The following MGST1 variants were observed in gnomAD, a reference collection of about 807,000 sequenced individuals.
MGST1 encodes microsomal glutathione S-transferase 1.
A neutral mutation model predicts 8.9 loss-of-function variants in MGST1; 5 were observed. The observed-to-expected ratio is 0.56, with a 90% CI of 0.29 to 1.19. MGST1 has a LOEUF of 1.19. MGST1 is among the 50% of genes most tolerant of loss of function. MGST1 has a pLI of 0.08. For missense variants in MGST1, 182 were observed against 187.4 expected, an observed-to-expected ratio of 0.97 and a Z score of 0.17; for synonymous variants, 54 against 67.8, an observed-to-expected ratio of 0.80 and a Z score of 1.00.
chr12:16,544,993 A>G lies in MGST1; in HGVS notation n.483-44535A>G, dbSNP rs148504495. Reference sequence around the variant, plus strand: ...TATTTTCTAAATTTTTAAAGGAATTACTAATCTTAGAAAGATATAAAACAA... The same window carrying G: ...TATTTTCTAAATTTTTAAAGGAATTGCTAATCTTAGAAAGATATAAAACAA... On this transcript the variant is annotated intron_variant and non_coding_transcript_variant, in intron 4 of 4. Coordinates refer to the MGST1 transcript ENST00000538857. This position sits in a 1 kb window ranked among gnomAD's most constrained non-coding sequence, Gnocchi z 4.8. Among the ~76,000 whole-genome samples the G allele has an allele frequency of 1.0e-3, 154 of 152,214 alleles. No individual in the cohort carries two copies. Among genetic ancestry groups the G allele is most frequent in the African/African-American group, 3.6e-3 (149 of 41,564 alleles).
intron 4 of MGST1, among the ~76,000 whole-genome samples, chr12:16,492,526 C>T (rs1439333793): frequency 6.6e-6 from 1 of 152,142 alleles, no homozygotes; most frequent in Admixed American, 6.6e-5. Context: ...TGAATGTGAA[C>T]AAGTTTACCT....
Position 16,481,844 on chromosome 12 carries a change from T to C in MGST1, n.482+98240T>C, listed in dbSNP as rs1941366353. ...GGGGGTAACATTCAAGGTGAAATAC[T>C]GAGAATTTTTCAGAATTGAAGAAAG... On this transcript the variant is annotated intron_variant and non_coding_transcript_variant, in intron 4 of 4. Coordinates refer to the MGST1 transcript ENST00000538857. Among the ~76,000 whole-genome samples, 4 of 152,184 alleles carry C rather than the reference T, an allele frequency of 2.6e-5. No homozygotes were observed. In the South Asian group the frequency reaches 8.3e-4, roughly 32 times the overall value.
In MGST1 at chr12:16,589,185, T is replaced by C. The variant is rs1565505767; in HGVS notation, n.483-343T>C. Among the ~76,000 whole-genome samples, 2 of 152,122 alleles carry C rather than the reference T, an allele frequency of 1.3e-5. No individual in the cohort carries two copies. Among genetic ancestry groups the C allele is most frequent in the Non-Finnish European group, 2.9e-5 (2 of 68,000 alleles). ...ATTTTAGGGAAGTGACAAGAACTCA[T>C]GTAACTTTTTATTTTTTAATGAAGT... On this transcript the variant is annotated intron_variant and non_coding_transcript_variant, in intron 4 of 4. Coordinates refer to the MGST1 transcript ENST00000538857. This position sits in a 1 kb window ranked among gnomAD's most constrained non-coding sequence, Gnocchi z 4.2.
At chr12:16,439,531 T>C (rs1023813868), downstream of MGST1, among the ~76,000 whole-genome samples, 3 of 151,844 alleles carry the variant, frequency 2.0e-5, no homozygotes, top group African/African-American at 7.2e-5. Context: ...CCCTAGAGCA[T>C]TGATTGTCAA....
At chr12:16,408,030 CAAAAAAA>C (rs200073692) in intron 1 of MGST1, among the ~76,000 whole-genome samples, 6 of 44,096 alleles carry the variant, frequency 1.4e-4, no homozygotes, top group South Asian at 1.0e-3. Flanking sequence ...GACTCTGTCT[CAAAAAAA>C]AAAAAAAAAA....
chr12:16,532,533 G>A (rs1488958983), intron 4 of MGST1, among the ~76,000 whole-genome samples: 1 of 152,144 alleles, frequency 6.6e-6, no homozygotes, highest in Non-Finnish European at 1.5e-5. Flanking sequence ...GTGAGATTTT[G>A]CAACAGAGGA....
At chr12:16,442,847 ATAT>A (rs1266440331), downstream of MGST1, among the ~76,000 whole-genome samples, 1 of 151,788 alleles carries the variant, frequency 6.6e-6, no homozygotes, top group Non-Finnish European at 1.5e-5. This position sits in a 1 kb window ranked among gnomAD's most constrained non-coding sequence, Gnocchi z 4.5. Flanking sequence ...TTGGGTTAAA[ATAT>A]TATAGTGTTT....
intron 4 of MGST1, among the ~76,000 whole-genome samples, chr12:16,470,914 G>T (rs1392616428): frequency 6.6e-6 from 1 of 152,044 alleles, no homozygotes; most frequent in African/African-American, 2.4e-5. Context: ...TTATTTGAGG[G>T]TATTTTAAAA....
chr12:16,487,477 A>G (rs182150516), intron 4 of MGST1, among the ~76,000 whole-genome samples: 3 of 152,356 alleles, frequency 2.0e-5, no homozygotes, highest in East Asian at 3.9e-4. Context: ...GGAACGATAC[A>G]GTCCAGAATG....
intron 4 of MGST1, among the ~76,000 whole-genome samples, chr12:16,468,879 G>A (rs1427478855): frequency 6.6e-6 from 1 of 152,196 alleles, no homozygotes; most frequent in Non-Finnish European, 1.5e-5. Flanking sequence ...TCTGGCCTGT[G>A]TCCAGTTATT....
chr12:16,394,513 CCTTTCTTTCTTT>C (rs766001588), intron 1 of MGST1, among the ~76,000 whole-genome samples: 14,642 of 83,720 alleles, frequency 0.17, 1,130 homozygotes, highest in Middle Eastern at 0.22. Context: ...TCTTTCTCTC[CCTTTCTTTCTTT>C]CTTTCTTTCT....
chr12:16,348,696 C>G (rs1325810390), intron 1 of MGST1, among the ~76,000 whole-genome samples: 1 of 151,848 alleles, frequency 6.6e-6, no homozygotes, highest in Non-Finnish European at 1.5e-5. Context: ...CAGCCTACAC[C>G]TACCTTTTGC....
intron 1 of MGST1, among the ~76,000 whole-genome samples, chr12:16,433,064 C>T (rs1456010503): frequency 6.6e-6 from 1 of 152,020 alleles, no homozygotes; most frequent in African/African-American, 2.4e-5. Context: ...GGTGAGGTTC[C>T]ACATTAGGCC....
chr12:16,538,454 C>G (rs1196284831), intron 4 of MGST1, among the ~76,000 whole-genome samples: 2 of 152,092 alleles, frequency 1.3e-5, no homozygotes, highest in African/African-American at 4.8e-5. Flanking sequence ...TCAGGAACGC[C>G]CCACTCTACT....
chr12:16,524,471 G>A (rs115736453), intron 4 of MGST1, among the ~76,000 whole-genome samples: 3,275 of 152,098 alleles, frequency 0.022, 125 homozygotes, highest in African/African-American at 0.075. Context: ...AACGATGCTG[G>A]AGGCCAAGCA....
chr12:16,353,935 T>A (rs1168973813), intron 1 of MGST1, among the ~76,000 whole-genome samples: 1 of 152,028 alleles, frequency 6.6e-6, no homozygotes, highest in Non-Finnish European at 1.5e-5. Context: ...AATTTTTGTA[T>A]TTTTAGTAGA....
rs555526219 is a variant in MGST1 at position 16,544,056 on chromosome 12, T to C, written n.483-45472T>C. Among the ~76,000 whole-genome samples, 3 of 152,190 alleles carry C rather than the reference T, an allele frequency of 2.0e-5. No homozygotes were observed. The highest frequency in any genetic ancestry group is 7.2e-5 in the African/African-American group (3 of 41,556). On this transcript the variant is annotated intron_variant and non_coding_transcript_variant, in intron 4 of 4. Coordinates refer to the MGST1 transcript ENST00000538857. This position sits in a 1 kb window ranked among gnomAD's most constrained non-coding sequence, Gnocchi z 4.8. ...TATACTGCTGCTTTATACACATTTGTTTGGTCGCTGCAGTTTTCAGGTTGA... is the reference window on the plus strand; with the variant it reads ...TATACTGCTGCTTTATACACATTTGCTTGGTCGCTGCAGTTTTCAGGTTGA...
chr12:16,592,073 T>C (rs1943510587), downstream of MGST1, among the ~76,000 whole-genome samples: 1 of 152,092 alleles, frequency 6.6e-6, no homozygotes, highest in Non-Finnish European at 1.5e-5. Context: ...CTGGATAGCT[T>C]ATTCTTCACA....
At position 16,513,697 on chromosome 12, in the gene MGST1, T is replaced by C. The variant is rs999541796; in HGVS notation, n.483-75831T>C. ...CTCCATTGGGCGGCTGGCTGAATTTTGCAAGGCATCTGCAGAAGTAGCCTT... is the reference window on the plus strand; with the variant it reads ...CTCCATTGGGCGGCTGGCTGAATTTCGCAAGGCATCTGCAGAAGTAGCCTT... On this transcript the variant is annotated intron_variant and non_coding_transcript_variant, in intron 4 of 4. Coordinates refer to the MGST1 transcript ENST00000538857. The surrounding 1 kb of genome is among the most constrained non-coding windows in gnomAD (Gnocchi z 4.2). 1.8e-6 allele frequency: 1 copy of C among 546,524 alleles called. No individual in the cohort carries two copies. The highest frequency in any genetic ancestry group is 2.0e-5 in the Admixed American group (1 of 49,182). The allele number at this position is 546,524 out of a possible 1,614,324, so 33.9% of individuals were successfully genotyped here. A position where few individuals can be genotyped will look rare whatever the true frequency, so the allele number is the denominator to read the frequency against.
Sources: gnomAD v4.1 joint callset for allele counts (sites outside exome capture counted in the v4.1 genomes callset) on GRCh38, gnomAD v4.1.1 for gene constraint, Gnocchi (gnomAD v3.1) non-coding constraint, MANE v1.5 for transcripts, NCBI Gene and HGNC (gene_info 2026-07-23, HGNC 2026-07-21) for gene names.